CFAP299: variants seen among roughly 807,000 people sequenced by gnomAD.
CFAP299 encodes the protein cilia and flagella associated protein 299, also known as cilia- and flagella-associated protein 299.
A neutral mutation model predicts 27.0 loss-of-function variants in CFAP299; 21 were observed. The ratio of observed to expected loss-of-function variants is 0.78; its 90% CI spans 0.55 to 1.12. The LOEUF (loss-of-function observed/expected upper bound fraction) is 1.12, where lower values mean the gene tolerates loss of function less well. CFAP299 is among the 50% of genes most tolerant of loss of function. The pLI, the probability that CFAP299 is intolerant of heterozygous loss-of-function variation, is 0.00. For missense variants in CFAP299, 310 were observed against 276.6 expected (o/e 1.12, Z -0.86); for synonymous variants, 104 against 98.1 (o/e 1.06, Z -0.36).
At chr4:80,519,285 C>T (rs898133549) in intron 2 of CFAP299, among the ~76,000 whole-genome samples, 7 of 152,056 alleles carry the variant, frequency 4.6e-5, no homozygotes, top group Non-Finnish European at 1.0e-4. Flanking sequence ...TGGCTCACTG[C>T]GATCTCTGCC....
chr4:80,856,367 G>A (rs911340508), intron 3 of CFAP299, among the ~76,000 whole-genome samples: 14 of 150,730 alleles, frequency 9.3e-5, no homozygotes, highest in African/African-American at 3.4e-4. Flanking sequence ...TGTTCACTCT[G>A]ATGGTAGTTT....
At chr4:80,690,990 C>T (rs368684918) in intron 3 of CFAP299, among the ~76,000 whole-genome samples, 1 of 147,656 alleles carries the variant, frequency 6.8e-6, no homozygotes, top group Non-Finnish European at 1.5e-5. Context: ...AAGACTAAAC[C>T]AGGAAGAAGT....
chr4:80,570,214 T>C (rs930610640), intron 2 of CFAP299, among the ~76,000 whole-genome samples: 3 of 152,030 alleles, frequency 2.0e-5, no homozygotes, highest in African/African-American at 7.2e-5. Flanking sequence ...AATATAGTGA[T>C]TACTTCAGGG....
intron 2 of CFAP299, among the ~76,000 whole-genome samples, chr4:80,456,520 G>T (rs1401378028): frequency 6.6e-6 from 1 of 152,120 alleles, no homozygotes; most frequent in African/African-American, 2.4e-5. Flanking sequence ...AGAACAGGAA[G>T]AATTTTCTGA....
intron 2 of CFAP299, among the ~76,000 whole-genome samples, chr4:80,413,750 C>CTTATTTTTTT (rs1726847543): frequency 9.2e-6 from 1 of 108,310 alleles, no homozygotes; most frequent in Non-Finnish European, 1.8e-5. Flanking sequence ...TTGTGTCATT[C>CTTATTTTTTT]TTTTTTTTTT....
intron 3 of CFAP299, among the ~76,000 whole-genome samples, chr4:80,805,951 C>T (rs943368624): frequency 1.3e-5 from 2 of 151,960 alleles, no homozygotes; most frequent in African/African-American, 4.8e-5. Flanking sequence ...TATCTCTGCA[C>T]TCAAGGATTT....
chr4:80,374,595 G>T (rs1413977723), intron 2 of CFAP299, among the ~76,000 whole-genome samples: 1 of 152,150 alleles, frequency 6.6e-6, no homozygotes, highest in African/African-American at 2.4e-5. Flanking sequence ...AATCCCATGT[G>T]TCAGGAGCTG....
chr4:80,658,495 G>T (rs1040232330), intron 3 of CFAP299, among the ~76,000 whole-genome samples: 1 of 152,022 alleles, frequency 6.6e-6, no homozygotes, highest in African/African-American at 2.4e-5. Context: ...ATAATCATCT[G>T]GTTTTTGTCA....
intron 2 of CFAP299, among the ~76,000 whole-genome samples, chr4:80,461,099 G>A (rs190734934): frequency 3.5e-4 from 54 of 152,176 alleles, no homozygotes; most frequent in Middle Eastern, 3.4e-3. Flanking sequence ...CTAAAGACCC[G>A]GAATCAACAG....
chr4:80,399,234 C>T (rs534785834), intron 2 of CFAP299, among the ~76,000 whole-genome samples: 1 of 152,320 alleles, frequency 6.6e-6, no homozygotes, highest in South Asian at 2.1e-4. Context: ...CACTTTTGCA[C>T]TGTTGGTGGG....
chr4:80,919,117 T>C (rs1735911054), intron 4 of CFAP299, among the ~76,000 whole-genome samples: 1 of 152,168 alleles, frequency 6.6e-6, no homozygotes, highest in Admixed American at 6.6e-5. Context: ...CACAACCCTA[T>C]GGACCTGAAT....
intron 2 of CFAP299, among the ~76,000 whole-genome samples, chr4:80,433,840 A>G (rs989050249): frequency 3.9e-5 from 6 of 152,180 alleles, no homozygotes; most frequent in South Asian, 2.1e-4. Flanking sequence ...TATTTTCTCT[A>G]CACTCACTGG....
intron 2 of CFAP299, among the ~76,000 whole-genome samples, chr4:80,485,461 T>C (rs931913536): frequency 1.3e-5 from 2 of 151,958 alleles, no homozygotes; most frequent in African/African-American, 4.8e-5. Flanking sequence ...ATGTGTGGAC[T>C]TTGTTATGAT....
intron 3 of CFAP299, among the ~76,000 whole-genome samples, chr4:80,806,740 T>G (rs1349324332): frequency 6.6e-6 from 1 of 152,190 alleles, no homozygotes; most frequent in Non-Finnish European, 1.5e-5. Context: ...GCATTGCTGG[T>G]GAAAGTGGCA....
At chr4:80,736,738 T>C (rs1723907215) in intron 3 of CFAP299, among the ~76,000 whole-genome samples, 1 of 152,196 alleles carries the variant, frequency 6.6e-6, no homozygotes, top group Non-Finnish European at 1.5e-5. Context: ...GTTCAACCAC[T>C]GTGGAAGTCA....
At chr4:80,894,788 G>C (rs895987660) in intron 4 of CFAP299, among the ~76,000 whole-genome samples, 1 of 151,214 alleles carries the variant, frequency 6.6e-6, no homozygotes, top group Non-Finnish European at 1.5e-5. Flanking sequence ...ATGTGTGTGA[G>C]TGTGTGTGTG....
chr4:80,351,335 AAAC>A, intron 1 of CFAP299, among the ~76,000 whole-genome samples: 1 of 152,308 alleles, frequency 6.6e-6, no homozygotes, highest in South Asian at 2.1e-4. Context: ...ATACAGTATG[AAAC>A]AACAATAGCA....
intron 4 of CFAP299, among the ~76,000 whole-genome samples, chr4:80,899,138 T>C (rs945902852): frequency 3.3e-5 from 5 of 152,180 alleles, no homozygotes; most frequent in Admixed American, 3.3e-4. Context: ...ATAACACCTA[T>C]ATGGAAGGCT....
At chr4:80,864,823 T>A (rs569527334) in intron 3 of CFAP299, among the ~76,000 whole-genome samples, 2 of 152,136 alleles carry the variant, frequency 1.3e-5, no homozygotes, top group African/African-American at 4.8e-5. Context: ...GTGCTTACCA[T>A]GTATCAGGCA....
Sources: allele counts gnomAD v4.1 joint callset (sites outside exome capture counted in the v4.1 genomes callset), GRCh38; gene constraint gnomAD v4.1.1; transcripts MANE v1.5; gene names NCBI Gene and HGNC (gene_info 2026-07-23, HGNC 2026-07-21).